The following TRPC7 variants were observed in gnomAD, a reference collection of about 807,000 sequenced individuals.
The protein encoded by TRPC7 is transient receptor potential cation channel subfamily C member 7.
Under a neutral mutation model 90.1 loss-of-function variants are expected in TRPC7, and 42 were observed. That is an observed-to-expected ratio of 0.47 (90% CI 0.36 to 0.60). TRPC7 has a LOEUF of 0.60. Among genes scored for constraint, TRPC7 ranks in the 20% least tolerant of loss-of-function variants. TRPC7 has a pLI of 0.00. For synonymous variants in TRPC7, 451 were observed against 436.3 expected, an observed-to-expected ratio of 1.03 and a Z score of -0.42; for missense variants, 955 against 1,112.3, an observed-to-expected ratio of 0.86 and a Z score of 2.01.
intron 2 of TRPC7, among the ~76,000 whole-genome samples, chr5:136,352,318 A>T (rs1399199392): frequency 1.3e-5 from 2 of 152,078 alleles, no homozygotes; most frequent in African/African-American, 4.8e-5. Context: ...TGTTTCCATA[A>T]CTCAGTTGGA....
chr5:136,310,277 C>A (rs980176627), intron 3 of TRPC7, among the ~76,000 whole-genome samples: 1 of 152,122 alleles, frequency 6.6e-6, no homozygotes, highest in Non-Finnish European at 1.5e-5. Flanking sequence ...CATTTTTTAG[C>A]TTTAAGAGCA....
intron 2 of TRPC7, among the ~76,000 whole-genome samples, chr5:136,350,778 AG>A: frequency 6.6e-6 from 1 of 152,180 alleles, no homozygotes; most frequent in East Asian, 1.9e-4. Flanking sequence ...ATTGAGTGGC[AG>A]TTCCATCAAC....
intron 2 of TRPC7, among the ~76,000 whole-genome samples, chr5:136,326,728 TAGAG>T (rs1372266010): frequency 6.6e-6 from 1 of 152,138 alleles, no homozygotes; most frequent in Admixed American, 6.5e-5. Flanking sequence ...ATGGAGCAGA[TAGAG>T]AATTATATTT....
At chr5:136,223,525 A>C (rs1212516257) in intron 10 of TRPC7, among the ~76,000 whole-genome samples, 4 of 152,296 alleles carry the variant, frequency 2.6e-5, no homozygotes, top group African/African-American at 9.6e-5. Context: ...AGACAAGAGA[A>C]TCACTTGAAC....
chr5:136,237,143 A>C (rs1756005849), intron 7 of TRPC7, among the ~76,000 whole-genome samples: 1 of 152,184 alleles, frequency 6.6e-6, no homozygotes, highest in African/African-American at 2.4e-5. Context: ...TAAATGCCTG[A>C]GAAAGTCTGA....
chr5:136,213,725 G>T, intron 11 of TRPC7, 121 bp from the exon 12 acceptor site: 1 of 1,100,478 alleles, frequency 9.1e-7, no homozygotes, highest in Non-Finnish European at 1.3e-6. Context: ...AGCCCACCAG[G>T]GTTGAAGGTG....
chr5:136,234,535 C>T (rs1330800142), intron 7 of TRPC7, among the ~76,000 whole-genome samples: 1 of 152,098 alleles, frequency 6.6e-6, no homozygotes, highest in African/African-American at 2.4e-5. Flanking sequence ...GTCTTGAACT[C>T]CTGACCTCAT....
chr5:136,279,424 G>A (rs1561698940), intron 3 of TRPC7, among the ~76,000 whole-genome samples: 1 of 152,176 alleles, frequency 6.6e-6, no homozygotes, highest in Non-Finnish European at 1.5e-5. Flanking sequence ...CCTGAGTGCG[G>A]GGGTGAAGGC....
chr5:136,304,980 C>G (rs867658253), intron 3 of TRPC7, among the ~76,000 whole-genome samples: 1 of 152,206 alleles, frequency 6.6e-6, no homozygotes, highest in African/African-American at 2.4e-5. Flanking sequence ...TGCTTTAATA[C>G]TTTTAGAGGC....
intron 7 of TRPC7, among the ~76,000 whole-genome samples, chr5:136,235,969 CTTGT>C (rs1481554079): frequency 3.9e-5 from 6 of 152,160 alleles, no homozygotes; most frequent in African/African-American, 9.7e-5. Flanking sequence ...TGGGACAAAG[CTTGT>C]TTGAGTCTCA....
chr5:136,278,415 C>G (rs13155582), intron 3 of TRPC7, among the ~76,000 whole-genome samples: 57,508 of 152,076 alleles, frequency 0.38, 11,065 homozygotes, highest in East Asian at 0.52. Flanking sequence ...GTGGCTGACT[C>G]CCTGCACTTC....
At chr5:136,219,647 T>C (rs1755387304) in intron 10 of TRPC7, among the ~76,000 whole-genome samples, 1 of 152,164 alleles carries the variant, frequency 6.6e-6, no homozygotes, top group African/African-American at 2.4e-5. Flanking sequence ...ACACCTGTAG[T>C]CCCAGCTACC....
intron 2 of TRPC7, among the ~76,000 whole-genome samples, chr5:136,354,801 T>A (rs962541582): frequency 2.6e-5 from 4 of 152,234 alleles, no homozygotes; most frequent in African/African-American, 9.6e-5. Flanking sequence ...GAAGCCTGTA[T>A]TTGAGTCACA....
chr5:136,239,956 C>T (rs917974338), intron 7 of TRPC7, among the ~76,000 whole-genome samples: 1 of 152,182 alleles, frequency 6.6e-6, no homozygotes, highest in Non-Finnish European at 1.5e-5. Flanking sequence ...TCCACTCTCA[C>T]CCCTTCCAAC....
intron 2 of TRPC7, among the ~76,000 whole-genome samples, chr5:136,330,137 C>T (rs541008756): frequency 2.0e-5 from 3 of 152,302 alleles, no homozygotes; most frequent in Non-Finnish European, 4.4e-5. Flanking sequence ...TGGAAGCAGT[C>T]CCACCTGTCC....
At chr5:136,285,529 A>T (rs552175527) in intron 3 of TRPC7, among the ~76,000 whole-genome samples, 1 of 152,342 alleles carries the variant, frequency 6.6e-6, no homozygotes, top group Admixed American at 6.5e-5. Context: ...TGTGGGTCTA[A>T]TTTAATATAC....
chr5:136,291,937 ACTGT>A (rs1757973324), intron 3 of TRPC7, among the ~76,000 whole-genome samples: 2 of 152,164 alleles, frequency 1.3e-5, no homozygotes, highest in African/African-American at 4.8e-5. Flanking sequence ...ATTATAACAA[ACTGT>A]CTCTCAGACC....
At chr5:136,328,032 T>C (rs906432251) in intron 2 of TRPC7, among the ~76,000 whole-genome samples, 3 of 152,258 alleles carry the variant, frequency 2.0e-5, no homozygotes, top group Non-Finnish European at 4.4e-5. Context: ...TTAGCTTCCA[T>C]GGATACAATT....
chr5:136,317,084 A>G (rs1448457816), intron 2 of TRPC7, among the ~76,000 whole-genome samples: 1 of 152,234 alleles, frequency 6.6e-6, no homozygotes, highest in Non-Finnish European at 1.5e-5. Flanking sequence ...GAAAAGATCA[A>G]GAAAATATTT....
Sources: gnomAD v4.1 joint callset for allele counts (sites outside exome capture counted in the v4.1 genomes callset) on GRCh38, gnomAD v4.1.1 for gene constraint, MANE v1.5 for transcripts, NCBI Gene and HGNC (gene_info 2026-07-23, HGNC 2026-07-21) for gene names.